The following CDH13 variants were observed in gnomAD, a reference collection of about 807,000 sequenced individuals.
The protein encoded by CDH13 is cadherin 13, also known as cadherin-13.
In CDH13, 24 loss-of-function variants were observed where a neutral mutation model predicts 63.8. That is an observed-to-expected ratio of 0.38 (90% CI 0.27 to 0.53). The LOEUF is 0.53. Ranked by LOEUF, CDH13 falls within the 20% of genes least tolerant of loss-of-function variation. The probability of loss-of-function intolerance (pLI) is 0.85; values close to 1 mark genes in which losing one functional copy is unlikely to be tolerated. For missense variants in CDH13, 1,049 were observed against 903.1 expected (o/e 1.16, Z -2.07); for synonymous variants, 503 against 355.3 (o/e 1.42, Z -4.67).
intron 6 of CDH13, among the ~76,000 whole-genome samples, chr16:83,445,240 A>AAAG (rs1567677341): frequency 1.8e-5 from 1 of 56,494 alleles, no homozygotes; most frequent in Non-Finnish European, 4.5e-5. Flanking sequence ...AGAGTTTATA[A>AAAG]TTTATAAAAG....
At chr16:83,314,434 T>C (rs1303502863) in intron 5 of CDH13, among the ~76,000 whole-genome samples, 1 of 152,184 alleles carries the variant, frequency 6.6e-6, no homozygotes, top group Non-Finnish European at 1.5e-5. Flanking sequence ...TAGAATAATA[T>C]GTGAAATTAG....
chr16:83,544,751 G>A (rs1433564035), intron 7 of CDH13, among the ~76,000 whole-genome samples: 1 of 152,186 alleles, frequency 6.6e-6, no homozygotes, highest in Non-Finnish European at 1.5e-5. Flanking sequence ...GCTGCATTGT[G>A]TTGGGCAAGG....
At chr16:83,716,607 C>T (rs749199143) in intron 10 of CDH13, among the ~76,000 whole-genome samples, 3 of 152,202 alleles carry the variant, frequency 2.0e-5, no homozygotes, top group Non-Finnish European at 2.9e-5. Context: ...CCTCAGCCTC[C>T]AGAGTAGCTG....
At chr16:83,560,420 C>G (rs1044652962) in intron 7 of CDH13, among the ~76,000 whole-genome samples, 12 of 152,118 alleles carry the variant, frequency 7.9e-5, no homozygotes, top group African/African-American at 2.7e-4. Context: ...ATAAGGCAGA[C>G]TCAAAAGGAC....
intron 7 of CDH13, among the ~76,000 whole-genome samples, chr16:83,566,170 T>G (rs1904279093): frequency 6.6e-6 from 1 of 152,130 alleles, no homozygotes; most frequent in South Asian, 2.1e-4. Context: ...TCCAATTTCT[T>G]GGGGATGTCC....
At chr16:82,958,332 A>C (rs1032731246) in intron 2 of CDH13, among the ~76,000 whole-genome samples, 1 of 152,196 alleles carries the variant, frequency 6.6e-6, no homozygotes, top group Non-Finnish European at 1.5e-5. Flanking sequence ...GCTGACTTAA[A>C]TTCCCCCATT....
intron 10 of CDH13, among the ~76,000 whole-genome samples, chr16:83,723,823 A>C (rs1910005975): frequency 6.6e-6 from 1 of 152,258 alleles, no homozygotes; most frequent in Non-Finnish European, 1.5e-5. Context: ...CACAATAAAT[A>C]TTGAAAGAAT....
intron 1 of CDH13, among the ~76,000 whole-genome samples, chr16:82,725,704 G>A (rs955863753): frequency 1.4e-4 from 21 of 152,076 alleles, no homozygotes; most frequent in African/African-American, 4.6e-4. Flanking sequence ...TGTATGCAGT[G>A]CCCCGAATGC....
intron 1 of CDH13, among the ~76,000 whole-genome samples, chr16:82,832,010 A>G (rs557654061): frequency 6.6e-6 from 1 of 152,360 alleles, no homozygotes; most frequent in Admixed American, 6.5e-5. Context: ...GCCAAAGCAA[A>G]GTCCCGCATA....
intron 8 of CDH13, among the ~76,000 whole-genome samples, chr16:83,667,696 C>T (rs1341228461): frequency 6.6e-6 from 1 of 152,176 alleles, no homozygotes; most frequent in Non-Finnish European, 1.5e-5. Flanking sequence ...CTTGCTCTGT[C>T]ACCCAGGCTG....
chr16:82,919,299 G>A (rs2042084813), intron 2 of CDH13, among the ~76,000 whole-genome samples: 1 of 152,164 alleles, frequency 6.6e-6, no homozygotes. Context: ...CAGATTATGT[G>A]ATCAGCCTCG....
intron 1 of CDH13, among the ~76,000 whole-genome samples, chr16:82,843,064 A>G (rs2039100997): frequency 6.6e-6 from 1 of 152,164 alleles, no homozygotes; most frequent in Admixed American, 6.5e-5. Context: ...GCAGATGGAT[A>G]CCCATCCATG....
chr16:82,999,845 C>T (rs1912670934), intron 2 of CDH13, among the ~76,000 whole-genome samples: 1 of 152,116 alleles, frequency 6.6e-6, no homozygotes, highest in East Asian at 1.9e-4. Flanking sequence ...TTCTAAGAAG[C>T]AGATGGGATA....
rs1047928317 is a variant in CDH13, at chr16:83,261,782, C to G, written c.636+44285C>G. On this transcript the variant is annotated intron_variant, in intron 5 of 13. Transcript: ENST00000567109. Reference sequence around the variant, plus strand: ...AGCGAATAAGTGGCAGAGCTTGAACCCAGATCTGTGGGGTACCAGGACACC... The same window carrying G: ...AGCGAATAAGTGGCAGAGCTTGAACGCAGATCTGTGGGGTACCAGGACACC... Among the ~76,000 whole-genome samples, 12 of 151,666 alleles carry G rather than the reference C, an allele frequency of 7.9e-5. No individual in the cohort carries two copies. The East Asian group carries it at 1.7e-3, about 22-fold the overall frequency.
At chr16:83,747,873 C>A (rs568420507) in intron 10 of CDH13, among the ~76,000 whole-genome samples, 13 of 151,784 alleles carry the variant, frequency 8.6e-5, no homozygotes, top group Non-Finnish European at 1.5e-4. Context: ...CATCTTCCTC[C>A]TGGGAGTGTC....
At chr16:83,231,890 C>T (rs1056736995) in intron 5 of CDH13, among the ~76,000 whole-genome samples, 2 of 152,152 alleles carry the variant, frequency 1.3e-5, no homozygotes, top group Non-Finnish European at 2.9e-5. Context: ...GGTTCAGTGT[C>T]ATCCCCTTGG....
chr16:83,693,805 G>A (rs1451942516), intron 10 of CDH13, among the ~76,000 whole-genome samples: 1 of 152,162 alleles, frequency 6.6e-6, no homozygotes, highest in Non-Finnish European at 1.5e-5. Context: ...CCTAGTTTGG[G>A]CATTGGGATT....
chr16:83,753,224 C>T (rs889603245), intron 11 of CDH13, among the ~76,000 whole-genome samples: 8 of 152,116 alleles, frequency 5.3e-5, no homozygotes, highest in Non-Finnish European at 1.0e-4. Context: ...ATGTTTAACC[C>T]GGAAAAGCCA....
intron 2 of CDH13, among the ~76,000 whole-genome samples, chr16:82,874,234 G>A (rs2040432699): frequency 6.6e-6 from 1 of 152,124 alleles, no homozygotes; most frequent in Non-Finnish European, 1.5e-5. Flanking sequence ...ATAAAAACAT[G>A]TTTGGTATGC....
Sources: allele counts gnomAD v4.1 joint callset (sites outside exome capture counted in the v4.1 genomes callset), GRCh38; gene constraint gnomAD v4.1.1; transcripts MANE v1.5; gene names NCBI Gene and HGNC (gene_info 2026-07-23, HGNC 2026-07-21).